ABCC6: variants seen among roughly 807,000 people sequenced by gnomAD.
ABCC6 encodes the protein ATP binding cassette subfamily C member 6, also known as ATP-binding cassette sub-family C member 6.
In ABCC6, 126 loss-of-function variants were observed where a neutral mutation model predicts 169.5. The ratio of observed to expected loss-of-function variants is 0.74; its 90% CI spans 0.64 to 0.86. ABCC6 has a LOEUF of 0.86. ABCC6 is among the 40% of genes least tolerant of loss of function. The probability of loss-of-function intolerance (pLI) is 0.00; values close to 1 mark genes in which losing one functional copy is unlikely to be tolerated. For missense variants in ABCC6, 1,733 were observed against 1,927.2 expected, an observed-to-expected ratio of 0.90 and a Z score of 1.89; for synonymous variants, 752 against 814.7, an observed-to-expected ratio of 0.92 and a Z score of 1.31.
chr16:16,221,425 A>G, intron 2 of ABCC6: 2 of 1,425,004 alleles, frequency 1.4e-6, no homozygotes, highest in South Asian at 1.5e-5. Flanking sequence ...GTGTATGCGT[A>G]TGTTTGCGCA....
chr16:16,155,401 A>C, intron 27 of ABCC6: 13 of 287,462 alleles, frequency 4.5e-5, no homozygotes, highest in South Asian at 1.3e-4. Flanking sequence ...CCTTTTTTCC[A>C]CCCCATCCTG....
intron 14 of ABCC6, 92 bp from the exon 15 acceptor site, chr16:16,185,126 C>G (rs377446088): frequency 6.6e-6 from 7 of 1,063,936 alleles, no homozygotes; most frequent in Admixed American, 3.8e-5. Flanking sequence ...CCGCCCCCCC[C>G]AGGGGCAGAG....
At chr16:16,215,499 A>C (rs1380102882) in intron 4 of ABCC6, among the ~76,000 whole-genome samples, 1 of 125,676 alleles carries the variant, frequency 8.0e-6, no homozygotes, top group African/African-American at 3.1e-5. Context: ...TTTGAGACGG[A>C]GTCTTGCTTT....
In ABCC6 at chr16:16,150,784, TG is replaced by T; in HGVS notation, c.4209-13del. 2 of 1,612,982 alleles carry T rather than the reference TG, an allele frequency of 1.2e-6. No homozygotes were observed. Among genetic ancestry groups the T allele is most frequent in the Non-Finnish European group, 1.7e-6 (2 of 1,179,722 alleles). ...GTTTCTGGCCCACGCTGGGAACGATTGGGACAATTAGCTGGGACGTGCGTTT... is the reference window on the plus strand; with the variant it reads ...GTTTCTGGCCCACGCTGGGAACGATTGGACAATTAGCTGGGACGTGCGTTT... On this transcript the variant is annotated splice_polypyrimidine_tract_variant and intron_variant, in intron 29 of 30. Transcript: ENST00000205557.
intron 5 of ABCC6, among the ~76,000 whole-genome samples, chr16:16,212,775 A>G (rs2048683921): frequency 6.6e-6 from 1 of 152,098 alleles, no homozygotes; most frequent in African/African-American, 2.4e-5. Context: ...TCAGAAGAAC[A>G]ACTATGATTA....
chr16:16,217,940 A>C (rs1378810485), intron 4 of ABCC6, among the ~76,000 whole-genome samples: 1 of 152,130 alleles, frequency 6.6e-6, no homozygotes, highest in Admixed American at 6.5e-5. Context: ...AAATACAAAA[A>C]TTAGCTGGGC....
At chr16:16,152,215 A>AAAAAT (rs2046406534) in intron 29 of ABCC6, among the ~76,000 whole-genome samples, 1 of 146,822 alleles carries the variant, frequency 6.8e-6, no homozygotes, top group African/African-American at 2.5e-5. Flanking sequence ...AAAAAAAAAA[A>AAAAAT]GTGTGTAGGC....
chr16:16,161,410 A>C (rs1346820179), intron 25 of ABCC6, 28 bp downstream of exon 25: 2 of 1,613,522 alleles, frequency 1.2e-6, no homozygotes, highest in Non-Finnish European at 1.7e-6. Flanking sequence ...TCTGTCCCTC[A>C]AGCCCAGTTT....
At chr16:16,204,302 C>T (rs1459329893) in intron 7 of ABCC6, among the ~76,000 whole-genome samples, 9 of 152,150 alleles carry the variant, frequency 5.9e-5, no homozygotes, top group African/African-American at 1.9e-4. Flanking sequence ...GTGATCTGCT[C>T]GCCTTGGCCT....
At chr16:16,169,502 A>T in intron 22 of ABCC6, 144 bp downstream of exon 22, 1 of 960,786 alleles carries the variant, frequency 1.0e-6, no homozygotes, top group East Asian at 2.6e-5. Flanking sequence ...CATCTTAAGG[A>T]CGCAGATCTT....
rs754847748 is a variant in ABCC6 at position 16,150,127 on chromosome 16, CCTGGCT to C, written c.4512_*5del. On this transcript the variant is annotated stop_lost and 3_prime_UTR_variant, in exon 31 of 31. Transcript: ENST00000205557. ...GTCCAACTGGGGTACGGTTGAGGGTCCTGGCTCAGACCAGGCCTGACTCCTGGGCCA... is the reference window on the plus strand; with the variant it reads ...GTCCAACTGGGGTACGGTTGAGGGTCCAGACCAGGCCTGACTCCTGGGCCA... 5.6e-6 allele frequency: 9 copies of C among 1,612,016 alleles called. No homozygotes were observed. Among genetic ancestry groups the C allele is most frequent in the African/African-American group, 1.3e-5 (1 of 74,854 alleles).
chr16:16,184,198 CAAAAAAAAAAAAAAAAAAAAA>C (rs56071235), intron 15 of ABCC6: 1 of 71,346 alleles, frequency 1.4e-5, no homozygotes, highest in Non-Finnish European at 2.6e-5. Flanking sequence ...GACTCCGTTT[CAAAAAAAAAAAAAAAAAAAAA>C]AAAAAAAAGA....
Position 16,187,230 on chromosome 16 carries a change from C to T in ABCC6, c.1780-19G>A. Reference sequence around the variant, plus strand: ...CCCGGGCCTAGGAAAACCGAAGCCGCAGGTCACCCAGCAAGAAGAGCAAAG... The same window carrying T: ...CCCGGGCCTAGGAAAACCGAAGCCGTAGGTCACCCAGCAAGAAGAGCAAAG... On this transcript the variant is annotated intron_variant, in intron 13 of 30. Coordinates refer to ENST00000205557, the MANE Select transcript of ABCC6 (RefSeq NM_001171.6). The T allele has an allele frequency of 6.2e-7, 1 of 1,605,438 alleles. No homozygotes were observed.
chr16:16,205,528 T>C (rs2048368230), intron 7 of ABCC6, among the ~76,000 whole-genome samples: 1 of 152,072 alleles, frequency 6.6e-6, no homozygotes, highest in African/African-American at 2.4e-5. Flanking sequence ...TGGTGTTTGG[T>C]TTGGCATCTA....
At position 16,190,940 on chromosome 16, in the gene ABCC6, G is replaced by A. The variant is rs377750909; in HGVS notation, c.1432-573C>T. Among the ~76,000 whole-genome samples the A allele has an allele frequency of 5.6e-3, 770 of 137,198 alleles. 17 individuals are homozygous for A. Among genetic ancestry groups the A allele is most frequent in the East Asian group, 0.032 (141 of 4,398 alleles). 90.0% of individuals were successfully genotyped at this position (137,198 alleles called of 152,430 possible). ...GGGGTGGGGGCTGGGGGGTAGGGGG[G>A]TGGCGGGGGCACCTAAAACCCAGGC... On this transcript the variant is annotated intron_variant, in intron 11 of 30. Coordinates refer to ENST00000205557, the MANE Select transcript of ABCC6 (RefSeq NM_001171.6).
Position 16,150,261 on chromosome 16 carries a change from A to G in ABCC6, c.4404-20T>C, listed in dbSNP as rs754748834. On this transcript the variant is annotated intron_variant, in intron 30 of 30. Transcript: ENST00000205557. The stretch of plus-strand genomic sequence containing the variant: ...AGAACCCTGTGGGGGAGAGGGAGAC[A>G]GAGAGGCTCTTTGGACACCAGCCCA... The G allele has an allele frequency of 9.4e-5, 151 of 1,613,632 alleles. No homozygotes were observed. Among genetic ancestry groups the G allele is most frequent in the Non-Finnish European group, 1.2e-4 (145 of 1,179,936 alleles).
intron 9 of ABCC6, among the ~76,000 whole-genome samples, chr16:16,199,730 C>T (rs2048174023): frequency 7.7e-6 from 1 of 130,224 alleles, no homozygotes; most frequent in Admixed American, 8.4e-5. Flanking sequence ...GCTTGCTCTC[C>T]CGGGCCTGGA....
At position 16,208,839 on chromosome 16, in the gene ABCC6, C is replaced by T. The variant is rs746412523; in HGVS notation, c.683G>A (p.Arg228Lys). 8 of 1,613,458 alleles carry T rather than the reference C, an allele frequency of 5.0e-6. No homozygotes were observed. Among genetic ancestry groups the T allele is most frequent in the Non-Finnish European group, 6.8e-6 (8 of 1,179,732 alleles). Residue 228 changes from arginine to lysine, a missense_variant, in exon 7 of 31, where the codon AGG becomes AAG. Arg to Lys is a conservative substitution (Grantham distance 26). Around this residue, in one of 5 missense-constraint regions of ABCC6, gnomAD observed 49 missense variants for 85.8 expected, o/e 0.57. Coordinates refer to ENST00000205557, the MANE Select transcript of ABCC6 (RefSeq NM_001171.6). ...GAGGTCTTTTGGTCTCAGTGGCCTC[C>T]TGTATCCCCTCCAGACCAGGCTGCA... ...WVSGLVWRGY[R>K]RPLRPKDLWS...
In ABCC6 at chr16:16,165,751, G is replaced by A. The variant is rs1447101816; in HGVS notation, c.3178C>T (p.Pro1060Ser). 1.2e-6 allele frequency: 2 copies of A among 1,613,662 alleles called. No homozygotes were observed. The highest frequency in any genetic ancestry group is 1.7e-6 in the Non-Finnish European group (2 of 1,180,046). The change falls in exon 23 of 31, where the codon CCA (proline) becomes TCA (serine). Residue 1060 changes from proline to serine, a missense_variant. Pro to Ser is a moderately conservative substitution (Grantham distance 74). Transcript: ENST00000205557. Reference protein sequence around the residue: ...KETDTVDVDIPDKLRSLLMYA... With the variant: ...KETDTVDVDISDKLRSLLMYA... ...ATCAGCAGGGACCGGAGTTTGTCTGGAATGTCCACGTCAACCGTGTCTGTC... is the reference window on the plus strand; with the variant it reads ...ATCAGCAGGGACCGGAGTTTGTCTGAAATGTCCACGTCAACCGTGTCTGTC...
Sources: gnomAD v4.1 joint callset for allele counts (sites outside exome capture counted in the v4.1 genomes callset) on GRCh38, gnomAD v4.1.1 for gene constraint, gnomAD v4.1.1 regional missense constraint, MANE v1.5 for transcripts, NCBI Gene and HGNC (gene_info 2026-07-23, HGNC 2026-07-21) for gene names.